MYH9: variants seen among roughly 807,000 people sequenced by gnomAD.
MYH9 encodes myosin-9.
Under a neutral mutation model 241.9 loss-of-function variants are expected in MYH9, and 29 were observed. That is an observed-to-expected ratio of 0.12 (90% CI 0.09 to 0.16). MYH9 has a LOEUF of 0.16. Among genes scored for constraint, MYH9 ranks in the 10% least tolerant of loss-of-function variants. The pLI is 1.00. For synonymous variants in MYH9, 1,047 were observed against 1,062.6 expected (o/e 0.99, Z 0.29); for missense variants, 1,803 against 2,595.5 (o/e 0.69, Z 6.63).
At position 36,314,226 on chromosome 22, in the gene MYH9, C is replaced by T. The variant is rs141006061; in HGVS notation, c.1473G>A (p.Glu491=). ...NHTMFILEQE[E]YQREGIEWNF... is the part of the protein sequence containing the mutation. ...TCCACTCGATGCCCTCGCGCTGGTA[C>T]TCCTCCTGCTCCAGGATGAACATGG... The change falls in exon 13 of 41, where the codon GAG becomes GAA. Residue 491 remains glutamate (E), a synonymous_variant. Coordinates refer to ENST00000216181, the MANE Select transcript of MYH9 (RefSeq NM_002473.6). 68 of 1,614,262 alleles carry T rather than the reference C, an allele frequency of 4.2e-5. No homozygotes were observed. The African/African-American group carries it at 5.3e-4, about 13-fold the overall frequency.
chr22:36,331,132 G>C (rs2017413901), intron 3 of MYH9, among the ~76,000 whole-genome samples: 1 of 152,114 alleles, frequency 6.6e-6, no homozygotes, highest in South Asian at 2.1e-4. Flanking sequence ...ACAGCCGAGA[G>C]CGCTGTGGCC....
chr22:36,359,041 G>C (rs1168857105), intron 1 of MYH9, among the ~76,000 whole-genome samples: 1 of 152,212 alleles, frequency 6.6e-6, no homozygotes, highest in East Asian at 1.9e-4. Context: ...AGGCAGAGAA[G>C]TGTCCTTTGT....
At position 36,368,874 on chromosome 22, in the gene MYH9, A is replaced by G. The variant is rs1394584470; in HGVS notation, c.-20+18933T>C. On this transcript the variant is annotated intron_variant, in intron 1 of 40. Coordinates refer to ENST00000216181, the MANE Select transcript of MYH9 (RefSeq NM_002473.6). The stretch of plus-strand genomic sequence containing the variant: ...TGCCCCGTCCGCGATAGAGCATCAC[A>G]TTCTTCAGATTCTTGTGTAAAAGCC... 5.9e-5 allele frequency among the ~76,000 whole-genome samples: 7 copies of G among 118,466 alleles called. No individual in the cohort carries two copies. In the East Asian group the frequency reaches 1.4e-3, roughly 24 times the overall value. The allele number at this position is 118,466 out of a possible 152,430, so 77.7% of individuals were successfully genotyped here.
intron 3 of MYH9, among the ~76,000 whole-genome samples, chr22:36,335,031 C>T (rs1218680019): frequency 1.3e-5 from 2 of 152,180 alleles, no homozygotes; most frequent in Non-Finnish European, 2.9e-5. Context: ...CCAGCAGCCC[C>T]TTTTTGGTGC....
intron 31 of MYH9, among the ~76,000 whole-genome samples, chr22:36,290,396 T>C (rs943500219): frequency 3.1e-4 from 45 of 147,322 alleles, no homozygotes; most frequent in African/African-American, 1.1e-3. Context: ...TATAATTAAA[T>C]AATTATAATA....
chr22:36,364,138 A>G (rs1051138946), intron 1 of MYH9, among the ~76,000 whole-genome samples: 2 of 152,190 alleles, frequency 1.3e-5, no homozygotes, highest in African/African-American at 2.4e-5. Context: ...ACAGAAGATC[A>G]CTTTTGAAGG....
At chr22:36,353,122 T>TTC (rs762733720) in intron 1 of MYH9, among the ~76,000 whole-genome samples, 2 of 145,898 alleles carry the variant, frequency 1.4e-5, no homozygotes, top group African/African-American at 5.0e-5. Context: ...TGTGTGTGTG[T>TTC]GTGTGTGTGT....
At chr22:36,301,403 T>A in intron 21 of MYH9, 131 bp downstream of exon 21, 10 of 1,248,156 alleles carry the variant, frequency 8.0e-6, no homozygotes, top group Non-Finnish European at 1.0e-5. Flanking sequence ...CTGTTTACAG[T>A]AATAGGAAAC....
chr22:36,387,138 C>T (rs975005269), intron 1 of MYH9, among the ~76,000 whole-genome samples: 1 of 152,238 alleles, frequency 6.6e-6, no homozygotes, highest in Non-Finnish European at 1.5e-5. Context: ...CCCGCCGGGT[C>T]CCCCTTGTCC....
chr22:36,344,450 TCCCCATCCAGGC>T (rs2017642735), intron 2 of MYH9, among the ~76,000 whole-genome samples: 1 of 22,626 alleles, frequency 4.4e-5, no homozygotes, highest in Non-Finnish European at 1.2e-4. Context: ...AGGCAGCACC[TCCCCATCCAGGC>T]AGCACCTCCC....
rs1334470148 is a variant in MYH9 at position 36,320,273 on chromosome 22, T to C, written c.959A>G (p.Gln320Arg). Residue 320 changes from glutamine to arginine, a missense_variant, in exon 9 of 41, where the codon CAG (glutamine) becomes CGG (arginine). Around this residue, in one of 11 missense-constraint regions of MYH9, gnomAD observed 222 missense variants for 359.9 expected, o/e 0.62. Coordinates refer to ENST00000216181, the MANE Select transcript of MYH9 (RefSeq NM_002473.6). This position sits in a 1 kb window ranked among gnomAD's most constrained non-coding sequence, Gnocchi z 4.8. ...IPGQQDKDMF[Q>R]ETMEAMRIMG... ...AATCCTCATGGCCTCCATGGTCTCC[T>C]GGAACATGTCCTTGTCCTGCTGCCC... 6.2e-7 allele frequency: 1 copy of C among 1,614,208 alleles called. No individual in the cohort carries two copies. The highest frequency in any genetic ancestry group is 1.7e-5 in the Admixed American group (1 of 60,038).
chr22:36,384,655 G>T (rs1387555444), intron 1 of MYH9, among the ~76,000 whole-genome samples: 1 of 92,810 alleles, frequency 1.1e-5, no homozygotes. Context: ...TATATATACA[G>T]CCACTACATA....
intron 20 of MYH9, among the ~76,000 whole-genome samples, chr22:36,301,910 A>G (rs957950731): frequency 5.3e-5 from 8 of 152,196 alleles, no homozygotes; most frequent in Non-Finnish European, 1.5e-5. Context: ...GGCATTGTTT[A>G]TCACAGCAAG....
chr22:36,377,559 T>C (rs181803877), intron 1 of MYH9, among the ~76,000 whole-genome samples: 25 of 152,334 alleles, frequency 1.6e-4, no homozygotes, highest in African/African-American at 5.5e-4. Context: ...TCAGTCATCT[T>C]AATCACCGCA....
intron 40 of MYH9, 74 bp from the exon 41 acceptor site, chr22:36,282,859 T>C: frequency 1.5e-6 from 2 of 1,322,396 alleles, no homozygotes; most frequent in Admixed American, 4.1e-5. Context: ...AGCCCACACA[T>C]CTCAAAGTGA....
At chr22:36,290,190 T>C (rs569417905) in intron 31 of MYH9, among the ~76,000 whole-genome samples, 1 of 152,110 alleles carries the variant, frequency 6.6e-6, no homozygotes, top group African/African-American at 2.4e-5. Flanking sequence ...GAGATCCCTG[T>C]CACTATGAAA....
intron 1 of MYH9, among the ~76,000 whole-genome samples, chr22:36,383,821 ATGG>A (rs1317266935): frequency 2.6e-5 from 4 of 152,020 alleles, no homozygotes; most frequent in Non-Finnish European, 2.9e-5. Flanking sequence ...TTAGCCACGC[ATGG>A]TGGCGGGCAC....
chr22:36,297,163 G>C (rs1468949404), intron 24 of MYH9, 149 bp from the exon 25 acceptor site: 4 of 852,710 alleles, frequency 4.7e-6, no homozygotes, highest in African/African-American at 3.4e-5. Context: ...CCAACTCCTG[G>C]ATGCAGGAAG....
chr22:36,361,573 T>A (rs539585095), intron 1 of MYH9, among the ~76,000 whole-genome samples: 75 of 150,204 alleles, frequency 5.0e-4, no homozygotes, highest in Non-Finnish European at 7.9e-4. Flanking sequence ...CAATTTCTTT[T>A]AAAAAAAAAA....
Sources: allele counts gnomAD v4.1 joint callset (sites outside exome capture counted in the v4.1 genomes callset), GRCh38; gene constraint gnomAD v4.1.1; regional missense constraint gnomAD v4.1.1; non-coding constraint Gnocchi (gnomAD v3.1); transcripts MANE v1.5; gene names NCBI Gene and HGNC (gene_info 2026-07-23, HGNC 2026-07-21).